MYLK4: variants seen among roughly 807,000 people sequenced by gnomAD.
MYLK4 encodes myosin light chain kinase family member 4, also known as caMLCK like.
A neutral mutation model predicts 48.1 loss-of-function variants in MYLK4; 46 were observed. The ratio of observed to expected loss-of-function variants is 0.96; its 90% CI spans 0.75 to 1.22. The LOEUF (loss-of-function observed/expected upper bound fraction) is 1.22. MYLK4 is among the 50% of genes most tolerant of loss of function. The probability of loss-of-function intolerance (pLI) is 0.00; values close to 1 mark genes in which losing one functional copy is unlikely to be tolerated. For synonymous variants in MYLK4, 170 were observed against 180.8 expected, an observed-to-expected ratio of 0.94 and a Z score of 0.48; for missense variants, 451 against 486.1, an observed-to-expected ratio of 0.93 and a Z score of 0.68.
At position 2,688,880 on chromosome 6, in the gene MYLK4, A is replaced by G; in HGVS notation, c.312T>C (p.Tyr104=). Reference sequence around the variant, plus strand: ...CTAGGATTTCTGTCTTGCTCACAGTATAGAAGCTGTTGACCGCTCCTTGCT... The same window carrying G: ...CTAGGATTTCTGTCTTGCTCACAGTGTAGAAGCTGTTGACCGCTCCTTGCT... ...TAKQGAVNSF[Y]TVSKTEILGG... is the part of the protein sequence containing the mutation. The change falls in exon 4 of 13, where the codon TAT becomes TAC. Residue 104 remains tyrosine, a synonymous_variant. Transcript: ENST00000274643. The G allele has an allele frequency of 1.2e-6, 2 of 1,614,230 alleles. No homozygotes were observed. Among genetic ancestry groups the G allele is most frequent in the East Asian group, 2.2e-5 (1 of 44,884 alleles).
intron 2 of MYLK4, among the ~76,000 whole-genome samples, chr6:2,698,262 C>A (rs971587387): frequency 1.3e-5 from 2 of 152,198 alleles, no homozygotes; most frequent in Non-Finnish European, 2.9e-5. Flanking sequence ...AGGTCGGCCA[C>A]CCTGTCCTAC....
chr6:2,765,751 C>A, the MYLK4 span: 1 of 1,498,400 alleles, frequency 6.7e-7, no homozygotes, highest in Non-Finnish European at 8.9e-7. Context: ...TGCTGCTCCA[C>A]CCGGCGGGGC....
At chr6:2,722,650 G>T (rs967673462) in intron 2 of MYLK4, among the ~76,000 whole-genome samples, 1 of 151,576 alleles carries the variant, frequency 6.6e-6, no homozygotes, top group Admixed American at 6.6e-5. Flanking sequence ...ACGAACACAT[G>T]CATATTATTT....
At position 2,693,982 on chromosome 6, in the gene MYLK4, C is replaced by T. The variant is rs535721154; in HGVS notation, c.160-1123G>A. On this transcript the variant is annotated intron_variant, in intron 2 of 12. Transcript: ENST00000274643. ...CCACATTTGCCAGACTGGTCTTGGA[C>T]TCCTGACCTCAGTTGATCCGCCTGC... 5.3e-5 allele frequency among the ~76,000 whole-genome samples: 8 copies of T among 152,246 alleles called. No individual in the cohort carries two copies. The East Asian group carries it at 1.5e-3, about 29-fold the overall frequency.
chr6:2,746,723 A>C (rs1000691535), intron 2 of MYLK4, among the ~76,000 whole-genome samples: 8 of 152,346 alleles, frequency 5.3e-5, no homozygotes, highest in African/African-American at 1.9e-4. Context: ...AAAGGGGAAT[A>C]GGTGGAGAAA....
chr6:2,748,148 C>T lies in MYLK4; in HGVS notation c.159+988G>A, dbSNP rs563946503. Among the ~76,000 whole-genome samples, 3 of 152,288 alleles carry T rather than the reference C, an allele frequency of 2.0e-5. No homozygotes were observed. In the South Asian group the frequency reaches 6.2e-4, roughly 32 times the overall value. ...AAAGAAGGATGTTTTCCAAACCTGCCTGATAAGAATCACTTGCTCTGATTA... is the reference window on the plus strand; with the variant it reads ...AAAGAAGGATGTTTTCCAAACCTGCTTGATAAGAATCACTTGCTCTGATTA... On this transcript the variant is annotated intron_variant, in intron 2 of 12. Coordinates refer to ENST00000274643, the MANE Select transcript of MYLK4 (RefSeq NM_001012418.5).
chr6:2,706,863 C>G (rs1207131449), intron 2 of MYLK4, among the ~76,000 whole-genome samples: 1 of 152,210 alleles, frequency 6.6e-6, no homozygotes, highest in East Asian at 1.9e-4. Context: ...GCAGCAGAAA[C>G]ACATGATCAC....
chr6:2,744,243 C>T lies in MYLK4; in HGVS notation c.159+4893G>A, dbSNP rs141962672. ...ATCTGCCTCTTTAAAAGGAAAAATA[C>T]GATGGCCTTGTGTGACAGATCTGAA... On this transcript the variant is annotated intron_variant, in intron 2 of 12. Coordinates refer to ENST00000274643, the MANE Select transcript of MYLK4 (RefSeq NM_001012418.5). The T allele has an allele frequency of 4.8e-4, 179 of 375,128 alleles. No individual in the cohort carries two copies. In the South Asian group the frequency reaches 8.2e-3, roughly 17 times the overall value. The allele number at this position is 375,128 out of a possible 1,614,324, so 23.2% of individuals were successfully genotyped here.
the MYLK4 span, among the ~76,000 whole-genome samples, chr6:2,764,767 G>A: frequency 6.6e-6 from 1 of 152,270 alleles, no homozygotes; most frequent in Admixed American, 6.5e-5. Context: ...GGCTCGAAGC[G>A]CGCTGTAGGT....
intron 2 of MYLK4, among the ~76,000 whole-genome samples, chr6:2,711,646 T>A (rs942490): frequency 3.3e-4 from 50 of 152,126 alleles, no homozygotes; most frequent in Non-Finnish European, 4.7e-4. Context: ...GACCACGACC[T>A]CACAGCAACA....
intron 2 of MYLK4, among the ~76,000 whole-genome samples, chr6:2,748,753 AC>A (rs1281361112): frequency 6.6e-6 from 1 of 152,206 alleles, no homozygotes; most frequent in Non-Finnish European, 1.5e-5. Context: ...TCTGCTGTCT[AC>A]CGCGTGAGGA....
At chr6:2,688,798 T>A in intron 4 of MYLK4, 53 bp downstream of exon 4, 1 of 1,436,804 alleles carries the variant, frequency 7.0e-7, no homozygotes, top group East Asian at 2.3e-5. Flanking sequence ...TACGAAGTCA[T>A]TTGCACGCTC....
chr6:2,719,991 A>C (rs1320251427), intron 2 of MYLK4, among the ~76,000 whole-genome samples: 1 of 151,942 alleles, frequency 6.6e-6, no homozygotes, highest in East Asian at 1.9e-4. Context: ...TACAAAAATC[A>C]GTCCTATTCC....
intron 12 of MYLK4, among the ~76,000 whole-genome samples, chr6:2,670,315 A>T (rs540821850): frequency 6.6e-6 from 1 of 152,132 alleles, no homozygotes; most frequent in African/African-American, 2.4e-5. Context: ...GCAGTGAGCC[A>T]AGATCGCACC....
At position 2,679,336 on chromosome 6, in the gene MYLK4, A is replaced by G; in HGVS notation, c.831T>C (p.Tyr277=). Residue 277 remains tyrosine, a synonymous_variant, in exon 9 of 13, where the codon TAT becomes TAC. Coordinates refer to ENST00000274643, the MANE Select transcript of MYLK4 (RefSeq NM_001012418.5). ...TGTCAGTGGGAAATGAAACAAAATC[A>G]TAGTTCACAACTTCAGGGGCGAGAA... is the stretch of plus-strand genomic sequence containing the variant. The part of the protein sequence containing the change: ...PEFLAPEVVN[Y]DFVSFPTDMW... 6.2e-7 allele frequency: 1 copy of G among 1,614,200 alleles called. No homozygotes were observed. Among genetic ancestry groups the G allele is most frequent in the Non-Finnish European group, 8.5e-7 (1 of 1,180,032 alleles).
At chr6:2,763,790 G>A in the MYLK4 span, among the ~76,000 whole-genome samples, 1 of 152,170 alleles carries the variant, frequency 6.6e-6, no homozygotes, top group East Asian at 1.9e-4. Flanking sequence ...CGCTGAGAGC[G>A]AGCGAGGACT....
chr6:2,720,195 G>T (rs2066911157), intron 2 of MYLK4, among the ~76,000 whole-genome samples: 1 of 152,122 alleles, frequency 6.6e-6, no homozygotes, highest in African/African-American at 2.4e-5. Context: ...ACGAGGTCAG[G>T]AGATCGAGAC....
chr6:2,708,818 GC>G (rs909047582), intron 2 of MYLK4, among the ~76,000 whole-genome samples: 3 of 152,104 alleles, frequency 2.0e-5, no homozygotes, highest in African/African-American at 7.2e-5. Flanking sequence ...TTCTCTCATA[GC>G]CTTGAACACA....
At chr6:2,704,581 T>C (rs978105771) in intron 2 of MYLK4, among the ~76,000 whole-genome samples, 3 of 152,252 alleles carry the variant, frequency 2.0e-5, no homozygotes, top group Non-Finnish European at 2.9e-5. Context: ...TATTTCTGCA[T>C]TGGCCGTAAC....
Sources: gnomAD v4.1 joint callset for allele counts (sites outside exome capture counted in the v4.1 genomes callset) on GRCh38, gnomAD v4.1.1 for gene constraint, MANE v1.5 for transcripts, NCBI Gene and HGNC (gene_info 2026-07-23, HGNC 2026-07-21) for gene names.